MTMR3: variants seen among roughly 807,000 people sequenced by gnomAD.
The protein encoded by MTMR3 is phosphatidylinositol-3,5-bisphosphate 3-phosphatase MTMR3.
Under a neutral mutation model 132.4 loss-of-function variants are expected in MTMR3, and 32 were observed. That is an observed-to-expected ratio of 0.24 (90% confidence interval 0.18 to 0.32). MTMR3 has a LOEUF of 0.32. Among genes scored for constraint, MTMR3 ranks in the 10% least tolerant of loss-of-function variants. The probability of loss-of-function intolerance (pLI) is 1.00; values close to 1 mark genes in which losing one functional copy is unlikely to be tolerated. For synonymous variants in MTMR3, 556 were observed against 550.3 expected (o/e 1.01, Z -0.14); for missense variants, 1,216 against 1,489.6 (o/e 0.82, Z 3.02).
chr22:30,005,394 C>T (rs2067254043), intron 9 of MTMR3: 1 of 152,154 alleles, frequency 6.6e-6, no homozygotes, highest in African/African-American at 2.4e-5. Context: ...CCCTAAAACC[C>T]AAGATCCAGG....
At chr22:30,022,798 T>C in intron 19 of MTMR3, 101 bp downstream of exon 19, 2 of 1,059,092 alleles carry the variant, frequency 1.9e-6, no homozygotes, top group Non-Finnish European at 2.8e-6. Flanking sequence ...CAGTGTTCTG[T>C]CTGAGGCAGA....
intron 8 of MTMR3, 159 bp downstream of exon 8, chr22:29,999,016 T>C (rs1001543388): frequency 2.1e-6 from 1 of 477,054 alleles, no homozygotes; most frequent in African/African-American, 2.0e-5. Context: ...TTGAATCTTC[T>C]GTTCCCGTTG....
At chr22:29,895,964 CG>C (rs2064886374) in intron 1 of MTMR3, among the ~76,000 whole-genome samples, 1 of 152,128 alleles carries the variant, frequency 6.6e-6, no homozygotes, top group African/African-American at 2.4e-5. Flanking sequence ...CATTTCAAAT[CG>C]ACAATTTTTA....
intron 1 of MTMR3, among the ~76,000 whole-genome samples, chr22:29,900,308 CT>C (rs953366942): frequency 3.3e-5 from 5 of 151,868 alleles, no homozygotes; most frequent in Non-Finnish European, 7.4e-5. Context: ...TTAGACTTCA[CT>C]TTTTTTTGTA....
chr22:29,975,707 G>T (rs930815511), intron 3 of MTMR3, among the ~76,000 whole-genome samples: 1 of 152,216 alleles, frequency 6.6e-6, no homozygotes, highest in Non-Finnish European at 1.5e-5. Flanking sequence ...TCAGGTGCAG[G>T]TGATCCTCCC....
intron 1 of MTMR3, among the ~76,000 whole-genome samples, chr22:29,922,739 A>T (rs1470353415): frequency 6.6e-6 from 1 of 152,132 alleles, no homozygotes; most frequent in East Asian, 1.9e-4. Context: ...TCTATTTTCT[A>T]CAGTAGCTGT....
At chr22:30,012,736 G>A in intron 13 of MTMR3, 173 bp downstream of exon 13, 2 of 610,822 alleles carry the variant, frequency 3.3e-6, no homozygotes, top group Non-Finnish European at 5.4e-6. Context: ...CACAGTTCTT[G>A]CACCTCTTAA....
In MTMR3 at chr22:29,954,059, C is replaced by CTTTTTTTTTTTTTTTTTTTTTTTTTT. The variant is rs59781649; in HGVS notation, c.-137-2953_-137-2952insTTTTTTTTTTTTTTTTTTTTTTTTTT. 6.3e-5 allele frequency among the ~76,000 whole-genome samples: 5 copies of CTTTTTTTTTTTTTTTTTTTTTTTTTT among 79,426 alleles called. 1 individual carries two copies. The highest frequency in any genetic ancestry group is 2.1e-4 in the African/African-American group (4 of 18,924). 52.1% of individuals were successfully genotyped at this position (79,426 alleles called of 152,430 possible). ...CCCTTTTTTTTTCTTTCAAATGAGT[C>CTTTTTTTTTTTTTTTTTTTTTTTTTT]TTTTTTTTTTTTTTTTTTTTTTTTG... On this transcript the variant is annotated intron_variant, in intron 1 of 19. Coordinates refer to ENST00000401950, the MANE Select transcript of MTMR3 (RefSeq NM_021090.4).
At chr22:30,012,671 T>A in intron 13 of MTMR3, 108 bp downstream of exon 13, 1 of 1,248,908 alleles carries the variant, frequency 8.0e-7, no homozygotes, top group Non-Finnish European at 1.1e-6. Flanking sequence ...AAAGTGAAAT[T>A]TCTGTTTTGG....
At chr22:29,943,411 T>C (rs1424833310) in intron 1 of MTMR3, among the ~76,000 whole-genome samples, 4 of 152,042 alleles carry the variant, frequency 2.6e-5, no homozygotes, top group Admixed American at 2.6e-4. Context: ...GCCAGGATGG[T>C]CTCGATCTGA....
intron 3 of MTMR3, among the ~76,000 whole-genome samples, chr22:29,976,635 AG>A (rs1033898950): frequency 6.6e-6 from 1 of 152,210 alleles, no homozygotes; most frequent in African/African-American, 2.4e-5. Flanking sequence ...AGGTACCAGC[AG>A]TTTTACCTAC....
At chr22:29,953,789 G>A (rs1044348967) in intron 1 of MTMR3, among the ~76,000 whole-genome samples, 2 of 151,992 alleles carry the variant, frequency 1.3e-5, no homozygotes, top group Non-Finnish European at 2.9e-5. Context: ...TAACAACCCT[G>A]CCCACCCCTC....
At chr22:29,892,116 G>T (rs1418345795) in intron 1 of MTMR3, among the ~76,000 whole-genome samples, 1 of 151,272 alleles carries the variant, frequency 6.6e-6, no homozygotes, top group Non-Finnish European at 1.5e-5. Context: ...TTGTGCCACT[G>T]CACTGCAGCC....
At chr22:29,887,216 CT>C (rs2145695228) in intron 1 of MTMR3, among the ~76,000 whole-genome samples, 1 of 152,138 alleles carries the variant, frequency 6.6e-6, no homozygotes, top group East Asian at 1.9e-4. Flanking sequence ...GATAGTAAAT[CT>C]TGGGTTCAAG....
At chr22:29,897,380 A>G (rs2064922503) in intron 1 of MTMR3, among the ~76,000 whole-genome samples, 5 of 151,944 alleles carry the variant, frequency 3.3e-5, no homozygotes, top group Admixed American at 2.6e-4. Context: ...CAGCCCATTC[A>G]GTAGATTTAA....
chr22:29,954,544 C>T (rs570377838), intron 1 of MTMR3, among the ~76,000 whole-genome samples: 5 of 152,248 alleles, frequency 3.3e-5, no homozygotes, highest in South Asian at 4.1e-4. Context: ...CCCACCTACT[C>T]GAACCTTTTC....
At chr22:29,936,045 C>T (rs1224929959) in intron 1 of MTMR3, among the ~76,000 whole-genome samples, 2 of 147,060 alleles carry the variant, frequency 1.4e-5, no homozygotes, top group Non-Finnish European at 3.0e-5. Context: ...AGTCACTGTG[C>T]CCGGCCTCCA....
intron 1 of MTMR3, among the ~76,000 whole-genome samples, chr22:29,908,986 T>TC (rs1389454223): frequency 0.035 from 5,268 of 150,838 alleles, 320 homozygotes; most frequent in African/African-American, 0.12. Flanking sequence ...TCTTTTCTTT[T>TC]TTTTTTTTTG....
chr22:29,967,398 A>T (rs541808250), intron 2 of MTMR3, among the ~76,000 whole-genome samples: 2 of 141,996 alleles, frequency 1.4e-5, no homozygotes, highest in South Asian at 2.2e-4. Flanking sequence ...CAACCACCTA[A>T]TTTTTTTTTT....
Sources: allele counts gnomAD v4.1 joint callset (sites outside exome capture counted in the v4.1 genomes callset), GRCh38; gene constraint gnomAD v4.1.1; transcripts MANE v1.5; gene names NCBI Gene and HGNC (gene_info 2026-07-23, HGNC 2026-07-21).